MDH1: variants seen among roughly 807,000 people sequenced by gnomAD.
The protein encoded by MDH1 is malate dehydrogenase 1.
A neutral mutation model predicts 38.7 loss-of-function variants in MDH1; 15 were observed. The observed-to-expected ratio is 0.39, with a 90% CI of 0.26 to 0.60. The LOEUF (loss-of-function observed/expected upper bound fraction) is 0.60. Ranked by LOEUF, MDH1 falls within the 20% of genes least tolerant of loss-of-function variation. The pLI is 0.56. For synonymous variants in MDH1, 144 were observed against 143.6 expected, an observed-to-expected ratio of 1.00 and a Z score of -0.02; for missense variants, 368 against 405.2, an observed-to-expected ratio of 0.91 and a Z score of 0.79.
At position 63,606,013 on chromosome 2, in the gene MDH1, C is replaced by G. The variant is rs1374130547; in HGVS notation, c.864C>G (p.Phe288Leu). 1 of 1,613,762 alleles carries G rather than the reference C, an allele frequency of 6.2e-7. No individual in the cohort carries two copies. The highest frequency in any genetic ancestry group is 1.3e-5 in the African/African-American group (1 of 74,894). The change falls in exon 8 of 9, where the codon TTC becomes TTG. Residue 288 changes from phenylalanine (F) to leucine (L), a missense_variant. Coordinates refer to ENST00000233114, the MANE Select transcript of MDH1 (RefSeq NM_005917.4). The stretch of plus-strand genomic sequence containing the variant: ...TTCCTGATGATCTGCTCTACTCATT[C>G]CCTGTTGTAATCAAGGTAAGGTATT... ...YGVPDDLLYS[F>L]PVVIKNKTWK...
intron 5 of MDH1, 121 bp from the exon 6 acceptor site, chr2:63,604,575 T>C (rs1194906013): frequency 7.9e-6 from 6 of 763,710 alleles, no homozygotes; most frequent in South Asian, 1.9e-5. Flanking sequence ...AATATAACTC[T>C]TGTGTTCTCT....
intron 3 of MDH1, among the ~76,000 whole-genome samples, chr2:63,595,742 T>A (rs1467560591): frequency 3.3e-5 from 5 of 152,064 alleles, no homozygotes; most frequent in African/African-American, 1.2e-4. Context: ...TTTTCCCCAA[T>A]GTGTGTGTGT....
At chr2:63,606,618 G>A (rs1000368035) in intron 8 of MDH1, among the ~76,000 whole-genome samples, 1 of 150,122 alleles carries the variant, frequency 6.7e-6, no homozygotes, top group Non-Finnish European at 1.5e-5. Flanking sequence ...CAGTGTTGTT[G>A]TTCTTTATTA....
At chr2:63,589,738 G>A (rs1361763835) in intron 1 of MDH1, among the ~76,000 whole-genome samples, 1 of 152,132 alleles carries the variant, frequency 6.6e-6, no homozygotes, top group East Asian at 1.9e-4. Context: ...TGTCATGGAA[G>A]ACCTGGGTAA....
In MDH1 at chr2:63,594,481, A is replaced by T; in HGVS notation, c.4-7A>T. ...TTAAAGATGTTAATGGGTCTTTTTC[A>T]TTACAGTCTGAACCAATCAGAGTCC... On this transcript the variant is annotated splice_polypyrimidine_tract_variant and splice_region_variant and intron_variant, in intron 1 of 8. Coordinates refer to ENST00000233114, the MANE Select transcript of MDH1 (RefSeq NM_005917.4). 6.2e-7 allele frequency: 1 copy of T among 1,607,040 alleles called. No homozygotes were observed. Among genetic ancestry groups the T allele is most frequent in the Non-Finnish European group, 8.5e-7 (1 of 1,173,816 alleles).
intron 5 of MDH1, among the ~76,000 whole-genome samples, chr2:63,602,934 CTTTTTTTTTT>C (rs370479356): frequency 1.5e-5 from 2 of 131,616 alleles, no homozygotes; most frequent in African/African-American, 5.4e-5. Context: ...TTTAACCGTT[CTTTTTTTTTT>C]TTTTTTTTTT....
At chr2:63,606,376 A>C (rs534255179) in intron 8 of MDH1, among the ~76,000 whole-genome samples, 2 of 152,302 alleles carry the variant, frequency 1.3e-5, no homozygotes, top group Admixed American at 6.5e-5. Flanking sequence ...CCTGTCCCCC[A>C]AAAAAGAAAA....
intron 1 of MDH1, 102 bp downstream of exon 1, chr2:63,589,148 T>G: frequency 6.2e-7 from 1 of 1,613,060 alleles, no homozygotes. Context: ...TGCAAGGCAC[T>G]GTCCTTCGCG....
At chr2:63,596,138 C>T (rs1207860223) in intron 3 of MDH1, among the ~76,000 whole-genome samples, 1 of 152,088 alleles carries the variant, frequency 6.6e-6, no homozygotes, top group Admixed American at 6.5e-5. Flanking sequence ...TAAATTTGAT[C>T]GAAAAGTTTA....
At chr2:63,591,443 A>C (rs1709200241) in intron 1 of MDH1, among the ~76,000 whole-genome samples, 1 of 152,262 alleles carries the variant, frequency 6.6e-6, no homozygotes, top group African/African-American at 2.4e-5. Context: ...GGTGGAATTA[A>C]CTGTTCATTA....
At chr2:63,604,656 C>A in intron 5 of MDH1, 40 bp from the exon 6 acceptor site, 2 of 1,526,766 alleles carry the variant, frequency 1.3e-6, no homozygotes, top group African/African-American at 1.4e-5. Context: ...GAAATAAAAA[C>A]CATTTGTCTC....
chr2:63,594,143 A>G (rs1212509901), intron 1 of MDH1, among the ~76,000 whole-genome samples: 1 of 152,226 alleles, frequency 6.6e-6, no homozygotes, highest in African/African-American at 2.4e-5. Context: ...GGGGCTTTGC[A>G]TAATAAGGAT....
chr2:63,605,476 C>A, intron 7 of MDH1, 83 bp downstream of exon 7: 2 of 992,894 alleles, frequency 2.0e-6, no homozygotes, highest in Non-Finnish European at 1.6e-6. Context: ...ATAGCCTTAG[C>A]AGTCAGTCAG....
chr2:63,589,109 G>A, intron 1 of MDH1, 63 bp downstream of exon 1: 1 of 1,614,086 alleles, frequency 6.2e-7, no homozygotes, highest in South Asian at 1.1e-5. Flanking sequence ...GGGGTTTCTT[G>A]CACTTTAGGG....
chr2:63,600,344 C>T (rs971193682), intron 5 of MDH1, among the ~76,000 whole-genome samples: 2 of 152,074 alleles, frequency 1.3e-5, no homozygotes, highest in African/African-American at 4.8e-5. Context: ...AAAACTGAGG[C>T]CCAGGGAAGT....
chr2:63,604,640 C>G, intron 5 of MDH1, 56 bp from the exon 6 acceptor site: 1 of 1,407,572 alleles, frequency 7.1e-7, no homozygotes, highest in South Asian at 1.3e-5. Flanking sequence ...AAACAGGTCC[C>G]AATTGGAAAT....
At chr2:63,599,695 T>A (rs1290363994) in intron 5 of MDH1, 1 of 152,456 alleles carries the variant, frequency 6.6e-6, no homozygotes, top group African/African-American at 2.4e-5. Flanking sequence ...GCTTCTATTT[T>A]AGCTGCAGCT....
chr2:63,591,231 AT>A (rs1053245498), intron 1 of MDH1, among the ~76,000 whole-genome samples: 5 of 152,254 alleles, frequency 3.3e-5, no homozygotes, highest in African/African-American at 4.8e-5. Flanking sequence ...ACACTATAAC[AT>A]TGTGAAAGTC....
chr2:63,589,437 C>G, intron 1 of MDH1: 4 of 1,509,016 alleles, frequency 2.7e-6, no homozygotes, highest in Non-Finnish European at 3.6e-6. Context: ...TCCTCATTTG[C>G]CCACAGTGTT....
Sources: gnomAD v4.1 joint callset for allele counts (sites outside exome capture counted in the v4.1 genomes callset) on GRCh38, gnomAD v4.1.1 for gene constraint, MANE v1.5 for transcripts, NCBI Gene and HGNC (gene_info 2026-07-23, HGNC 2026-07-21) for gene names.